SPATS2L: variants seen among roughly 807,000 people sequenced by gnomAD.
SPATS2L encodes the protein SPATS2-like protein.
Under a neutral mutation model 59.6 loss-of-function variants are expected in SPATS2L, and 30 were observed. That is an observed-to-expected ratio of 0.50 (90% CI 0.38 to 0.68). The LOEUF (loss-of-function observed/expected upper bound fraction) is 0.68, where lower values mean the gene tolerates loss of function less well. Ranked by LOEUF, SPATS2L falls within the 30% of genes least tolerant of loss-of-function variation. The pLI is 0.00. For missense variants in SPATS2L, 615 were observed against 700.0 expected, an observed-to-expected ratio of 0.88 and a Z score of 1.37; for synonymous variants, 252 against 263.5, an observed-to-expected ratio of 0.96 and a Z score of 0.42.
intron 9 of SPATS2L, among the ~76,000 whole-genome samples, chr2:200,466,926 G>A (rs760044138): frequency 3.3e-5 from 5 of 152,196 alleles, no homozygotes; most frequent in East Asian, 1.9e-4. Context: ...CTGTCTTGGC[G>A]GTATCACTCA....
chr2:200,395,840 G>A (rs1324651493), intron 3 of SPATS2L, among the ~76,000 whole-genome samples: 3 of 150,426 alleles, frequency 2.0e-5, no homozygotes, highest in Non-Finnish European at 3.0e-5. Flanking sequence ...GCGAAACCCC[G>A]TCTCTACTAA....
At chr2:200,329,911 C>T (rs1574411619) in intron 2 of SPATS2L, among the ~76,000 whole-genome samples, 1 of 152,298 alleles carries the variant, frequency 6.6e-6, no homozygotes, top group Non-Finnish European at 1.5e-5. Flanking sequence ...TTTGCTCTCA[C>T]TGTCCTTCTT....
chr2:200,438,753 TAA>T (rs2084478338), intron 6 of SPATS2L, among the ~76,000 whole-genome samples: 1 of 152,166 alleles, frequency 6.6e-6, no homozygotes, highest in Admixed American at 6.5e-5. Flanking sequence ...AAATTGTACT[TAA>T]AAGACTCATA....
chr2:200,388,406 T>C (rs1356461561), intron 2 of SPATS2L, among the ~76,000 whole-genome samples: 1 of 151,936 alleles, frequency 6.6e-6, no homozygotes, highest in Non-Finnish European at 1.5e-5. Flanking sequence ...CCCTTGTCTC[T>C]ACAAAAAATA....
chr2:200,468,435 G>T (rs1408892916), intron 10 of SPATS2L, among the ~76,000 whole-genome samples: 1 of 145,558 alleles, frequency 6.9e-6, no homozygotes, highest in Non-Finnish European at 1.5e-5. Context: ...AGACACAGCT[G>T]CTGCTAGCTT....
rs1446977347 is a variant in SPATS2L at position 200,473,033 on chromosome 2, C to T, written c.1262C>T (p.Thr421Ile). The change falls in exon 12 of 13, where the codon ACC (threonine) becomes ATC (isoleucine). Residue 421 changes from threonine to isoleucine, a missense_variant. Around this residue, in one of 3 missense-constraint regions of SPATS2L, gnomAD observed 284 missense variants for 280.1 expected, o/e 1.01. Transcript: ENST00000409140. ...LPSTADPSHQ[T>I]MPANKQNGSS... ...AGCACCGCCGACCCCTCTCACCAGA[C>T]CATGCCGGCCAACAAGCAGGTAAGC... The T allele has an allele frequency of 6.2e-7, 1 of 1,613,294 alleles. No homozygotes were observed. Among genetic ancestry groups the T allele is most frequent in the Middle Eastern group, 1.7e-4 (1 of 6,052 alleles).
At position 200,306,997 on chromosome 2, in the gene SPATS2L, G is replaced by A. The variant is rs573820662; in HGVS notation, c.-73+75G>A. On this transcript the variant is annotated intron_variant, in intron 1 of 12. Transcript: ENST00000409140. ...GGGCGGACGCGGAGGGGCCTGCGCG[G>A]CCGGGACGGAGACTCGGCTGGGCCG... The A allele has an allele frequency of 1.9e-5, 19 of 979,188 alleles. No homozygotes were observed. In the African/African-American group the frequency reaches 3.2e-4, roughly 16 times the overall value. 60.7% of individuals were successfully genotyped at this position (979,188 alleles called of 1,614,324 possible).
At chr2:200,362,763 G>C (rs909932945) in intron 2 of SPATS2L, among the ~76,000 whole-genome samples, 1 of 142,456 alleles carries the variant, frequency 7.0e-6, no homozygotes, top group African/African-American at 2.5e-5. Flanking sequence ...TCAGCTAGGG[G>C]ACTAGTAAGC....
Position 200,419,340 on chromosome 2 carries a change from C to A in SPATS2L, c.289C>A (p.Gln97Lys). Reference protein sequence around the residue: ...KVERPEAGPLQPQPPQIQNGP... With the variant: ...KVERPEAGPLKPQPPQIQNGP... ...GGAGAGGCCTGAGGCAGGGCCCCTG[C>A]AGCCGCAGCCACCACAGATTCAAAA... Residue 97 changes from glutamine to lysine, a missense_variant, in exon 6 of 13, where the codon CAG (glutamine) becomes AAG (lysine). Physicochemically the swap from Gln to Lys is moderately conservative, Grantham distance 53 (BLOSUM62 1). This residue lies in a region of SPATS2L where 227 missense variants were observed against 257.4 expected (regional missense o/e 0.88). Coordinates refer to ENST00000409140, the MANE Select transcript of SPATS2L (RefSeq NM_001100423.2). 1 of 1,610,470 alleles carries A rather than the reference C, an allele frequency of 6.2e-7. No homozygotes were observed. The highest frequency in any genetic ancestry group is 1.1e-5 in the South Asian group (1 of 90,388).
intron 2 of SPATS2L, among the ~76,000 whole-genome samples, chr2:200,361,321 G>A (rs1448747154): frequency 3.3e-5 from 5 of 152,132 alleles, no homozygotes; most frequent in African/African-American, 1.2e-4. Context: ...AATTGACTGG[G>A]GGGAGAAGGA....
In SPATS2L at chr2:200,416,958, C is replaced by T. The variant is rs566966479; in HGVS notation, c.198+530C>T. ...AGTAAGGGGCTTTCTTGAACACTGG[C>T]GTACTGCTCTTTGAGAACAAAGGGA... On this transcript the variant is annotated intron_variant, in intron 5 of 12. Coordinates refer to ENST00000409140, the MANE Select transcript of SPATS2L (RefSeq NM_001100423.2). 6.8e-4 allele frequency among the ~76,000 whole-genome samples: 104 copies of T among 152,238 alleles called. No homozygotes were observed. The Middle Eastern group carries it at 0.014, about 20-fold the overall frequency.
At chr2:200,401,967 C>G (rs970190435) in intron 3 of SPATS2L, among the ~76,000 whole-genome samples, 3 of 152,208 alleles carry the variant, frequency 2.0e-5, no homozygotes, top group African/African-American at 7.2e-5. Flanking sequence ...CTGGTCCCTT[C>G]TCAGGAAATG....
At chr2:200,412,229 ATTCT>A (rs1374445197) in intron 3 of SPATS2L, 78 bp from the exon 4 acceptor site, 2 of 817,908 alleles carry the variant, frequency 2.4e-6, no homozygotes, top group Non-Finnish European at 3.6e-6. Context: ...AATAGTTGTA[ATTCT>A]ATCCAGTGGG....
At chr2:200,468,649 A>G (rs1261222873) in intron 10 of SPATS2L, among the ~76,000 whole-genome samples, 1 of 152,090 alleles carries the variant, frequency 6.6e-6, no homozygotes, top group Non-Finnish European at 1.5e-5. Flanking sequence ...CACCCAGCCA[A>G]TTGCAGTGGC....
At chr2:200,469,399 T>G (rs1443723099) in intron 10 of SPATS2L, among the ~76,000 whole-genome samples, 3 of 152,208 alleles carry the variant, frequency 2.0e-5, no homozygotes, top group Non-Finnish European at 4.4e-5. Context: ...TTTAAATGAA[T>G]GGAAAAATAA....
intron 6 of SPATS2L, among the ~76,000 whole-genome samples, chr2:200,434,893 A>G (rs2084177677): frequency 6.6e-6 from 1 of 152,156 alleles, no homozygotes; most frequent in South Asian, 2.1e-4. Flanking sequence ...AGTCAAAACA[A>G]TCTTGAAAAA....
At chr2:200,474,597 C>G (rs2087359830) in intron 12 of SPATS2L, among the ~76,000 whole-genome samples, 1 of 152,204 alleles carries the variant, frequency 6.6e-6, no homozygotes, top group Non-Finnish European at 1.5e-5. Context: ...GCCACCATGC[C>G]TGGCCTCTCT....
intron 6 of SPATS2L, among the ~76,000 whole-genome samples, chr2:200,429,142 CTATG>C (rs2083753108): frequency 2.0e-5 from 3 of 152,172 alleles, no homozygotes; most frequent in Admixed American, 1.3e-4. Context: ...TCTACTTTAG[CTATG>C]CTGGTCTCTG....
chr2:200,375,826 C>A (rs572182314), intron 2 of SPATS2L, among the ~76,000 whole-genome samples: 2 of 152,152 alleles, frequency 1.3e-5, no homozygotes, highest in South Asian at 4.2e-4. Flanking sequence ...AGGGTTTCAC[C>A]GTGTTGCCCA....
Sources: gnomAD v4.1 joint callset for allele counts (sites outside exome capture counted in the v4.1 genomes callset) on GRCh38, gnomAD v4.1.1 for gene constraint, gnomAD v4.1.1 regional missense constraint, MANE v1.5 for transcripts, NCBI Gene and HGNC (gene_info 2026-07-23, HGNC 2026-07-21) for gene names.